Variants in CALD1 observed in about 807,000 individuals in gnomAD.
The protein encoded by CALD1 is caldesmon 1.
CALD1 carries 33 observed loss-of-function variants against 99.9 expected under a neutral mutation model. That is an observed-to-expected ratio of 0.33 (90% CI 0.25 to 0.44). The LOEUF is 0.44. CALD1 is among the 20% of genes least tolerant of loss of function. The pLI, the probability that CALD1 is intolerant of heterozygous loss-of-function variation, is 1.00. For missense variants in CALD1, 861 were observed against 962.1 expected, an observed-to-expected ratio of 0.89 and a Z score of 1.39; for synonymous variants, 310 against 325.0, an observed-to-expected ratio of 0.95 and a Z score of 0.50.
chr7:134,744,585 T>C (rs1282175863), intron 1 of CALD1, among the ~76,000 whole-genome samples: 2 of 151,930 alleles, frequency 1.3e-5, no homozygotes, highest in Admixed American at 6.6e-5. Flanking sequence ...ATCACATATG[T>C]AGATGTTACC....
At chr7:134,963,458 T>C (rs1338815054) in intron 13 of CALD1, among the ~76,000 whole-genome samples, 1 of 152,208 alleles carries the variant, frequency 6.6e-6, no homozygotes, top group African/African-American at 2.4e-5. Context: ...ATCAGAAATA[T>C]GTCCATTTAG....
chr7:134,765,956 C>T (rs1385676531), intron 1 of CALD1, among the ~76,000 whole-genome samples: 1 of 151,990 alleles, frequency 6.6e-6, no homozygotes, highest in Non-Finnish European at 1.5e-5. Flanking sequence ...GCACCTCTCT[C>T]TCTCTCTCTT....
intron 2 of CALD1, among the ~76,000 whole-genome samples, chr7:134,849,616 A>T (rs989991192): frequency 1.9e-4 from 29 of 151,982 alleles, no homozygotes; most frequent in East Asian, 3.8e-4. Context: ...GGTTTTTTTT[A>T]AAAATATATT....
intron 3 of CALD1, among the ~76,000 whole-genome samples, chr7:134,924,486 G>A (rs901970623): frequency 1.3e-5 from 2 of 152,034 alleles, no homozygotes; most frequent in Non-Finnish European, 2.9e-5. Context: ...CTTGCCTAAC[G>A]CTAATGTAGG....
chr7:134,806,110 A>G (rs1798126601), intron 1 of CALD1, among the ~76,000 whole-genome samples: 1 of 152,196 alleles, frequency 6.6e-6, no homozygotes, highest in Non-Finnish European at 1.5e-5. Context: ...GCAAAGGGTC[A>G]ACATTCTGAG....
chr7:134,752,068 AG>A (rs1796690033), intron 1 of CALD1, among the ~76,000 whole-genome samples: 1 of 152,226 alleles, frequency 6.6e-6, no homozygotes, highest in African/African-American at 2.4e-5. Context: ...GCAATATTTT[AG>A]CTCAAGACAT....
intron 3 of CALD1, among the ~76,000 whole-genome samples, chr7:134,877,106 C>G (rs1378128253): frequency 2.0e-5 from 3 of 152,190 alleles, no homozygotes; most frequent in Admixed American, 2.0e-4. Flanking sequence ...TAAAACATGA[C>G]TAGTGCTCAT....
At chr7:134,911,198 CT>C (rs964515625) in intron 3 of CALD1, among the ~76,000 whole-genome samples, 2,123 of 118,124 alleles carry the variant, frequency 0.018, 20 homozygotes, top group African/African-American at 0.041. Flanking sequence ...TTTCCTTTTT[CT>C]TTTTTTTTTT....
chr7:134,950,367 C>G lies in CALD1; in HGVS notation c.1795-7C>G, dbSNP rs1449281312. On this transcript the variant is annotated splice_region_variant and splice_polypyrimidine_tract_variant and intron_variant, in intron 8 of 14. Transcript: ENST00000361675. Reference sequence around the variant, plus strand: ...TGATGCCTCGTTATTTGTTCTTTCTCTCTTAGGAAGAGAAGAGGAGGCTAA... The same window carrying G: ...TGATGCCTCGTTATTTGTTCTTTCTGTCTTAGGAAGAGAAGAGGAGGCTAA... 1 of 1,613,664 alleles carries G rather than the reference C, an allele frequency of 6.2e-7. No individual in the cohort carries two copies. The highest frequency in any genetic ancestry group is 1.3e-5 in the African/African-American group (1 of 74,898).
intron 2 of CALD1, among the ~76,000 whole-genome samples, chr7:134,847,559 G>A (rs1297213713): frequency 1.3e-5 from 2 of 152,174 alleles, no homozygotes; most frequent in South Asian, 4.1e-4. Context: ...GAGGGGACAC[G>A]AGGTCACAGG....
intron 3 of CALD1, among the ~76,000 whole-genome samples, chr7:134,905,986 G>C (rs542382802): frequency 7.0e-6 from 1 of 142,560 alleles, no homozygotes; most frequent in Admixed American, 7.3e-5. Flanking sequence ...CTGGAGTGCA[G>C]TGGTGCGATC....
chr7:134,918,596 A>G (rs1804387247), intron 3 of CALD1, among the ~76,000 whole-genome samples: 1 of 152,262 alleles, frequency 6.6e-6, no homozygotes, highest in Non-Finnish European at 1.5e-5. Context: ...GCATATAAAA[A>G]GAGATAGGGA....
chr7:134,739,101 A>G, the CALD1 span, among the ~76,000 whole-genome samples: 1 of 152,208 alleles, frequency 6.6e-6, no homozygotes, highest in African/African-American at 2.4e-5. Flanking sequence ...TTCAAGTCAT[A>G]GAAGCAACGT....
intron 2 of CALD1, among the ~76,000 whole-genome samples, chr7:134,852,919 A>T (rs1235281935): frequency 1.3e-5 from 2 of 152,212 alleles, no homozygotes; most frequent in African/African-American, 4.8e-5. Flanking sequence ...ATGTTCTGCC[A>T]CTGGGATAAA....
chr7:134,758,744 T>C (rs528795239), intron 1 of CALD1, among the ~76,000 whole-genome samples: 7 of 152,122 alleles, frequency 4.6e-5, no homozygotes, highest in Non-Finnish European at 7.3e-5. Context: ...GGAAGGAGAC[T>C]CCCCTTATTG....
At chr7:134,734,135 G>C in the CALD1 span, among the ~76,000 whole-genome samples, 2 of 152,180 alleles carry the variant, frequency 1.3e-5, no homozygotes, top group African/African-American at 2.4e-5. Context: ...AGCATGAGGA[G>C]AGGGTCACAG....
At chr7:134,891,389 T>A (rs565642394) in intron 3 of CALD1, 122 of 1,266,840 alleles carry the variant, frequency 9.6e-5, no homozygotes, top group Non-Finnish European at 1.2e-4. Flanking sequence ...CTGATGATCC[T>A]GTGAGGAGGG....
chr7:134,961,049 C>T (rs1808224225), intron 13 of CALD1: 2 of 152,834 alleles, frequency 1.3e-5, no homozygotes, highest in Admixed American at 6.5e-5. Context: ...ATTGGGAACC[C>T]ATATGTTCCA....
intron 1 of CALD1, among the ~76,000 whole-genome samples, chr7:134,824,448 CCTT>C (rs965228451): frequency 4.7e-5 from 7 of 150,150 alleles, no homozygotes; most frequent in Non-Finnish European, 9.0e-5. Flanking sequence ...TCCTCCTCCT[CCTT>C]CTTCTCCTTC....
Sources: gnomAD v4.1 joint callset for allele counts (sites outside exome capture counted in the v4.1 genomes callset) on GRCh38, gnomAD v4.1.1 for gene constraint, MANE v1.5 for transcripts, NCBI Gene and HGNC (gene_info 2026-07-23, HGNC 2026-07-21) for gene names.